Variants in NTN1 observed in about 807,000 individuals in gnomAD.
The protein encoded by NTN1 is netrin 1.
A neutral mutation model predicts 54.2 loss-of-function variants in NTN1; 11 were observed. The ratio of observed to expected loss-of-function variants is 0.20; its 90% confidence interval spans 0.13 to 0.34. The LOEUF (loss-of-function observed/expected upper bound fraction) is 0.34. Ranked by LOEUF, NTN1 falls within the 10% of genes least tolerant of loss-of-function variation. The pLI is 1.00. For synonymous variants in NTN1, 371 were observed against 382.0 expected (o/e 0.97, Z 0.33); for missense variants, 740 against 893.1 (o/e 0.83, Z 2.18).
In NTN1 at chr17:9,115,144, A is replaced by C. The variant is rs535702346; in HGVS notation, c.1019-47669A>C. On this transcript the variant is annotated intron_variant, in intron 2 of 6. Coordinates refer to ENST00000173229, the MANE Select transcript of NTN1 (RefSeq NM_004822.3). ...GACAGCTCCCCTCTCCTTCTGCCTC[A>C]GCTCCTTGAGAGAAAGGACTGTGTA... Among the ~76,000 whole-genome samples the C allele has an allele frequency of 2.6e-5, 4 of 152,322 alleles. No individual in the cohort carries two copies. In the East Asian group the frequency reaches 7.7e-4, roughly 29 times the overall value.
chr17:9,136,596 A>T (rs566518836), intron 2 of NTN1, among the ~76,000 whole-genome samples: 1 of 152,306 alleles, frequency 6.6e-6, no homozygotes, highest in South Asian at 2.1e-4. Context: ...CAAACAAAAA[A>T]AGAAAAAAAA....
intron 2 of NTN1, among the ~76,000 whole-genome samples, chr17:9,058,259 T>A (rs74421401): frequency 0.034 from 5,119 of 152,220 alleles, 291 homozygotes; most frequent in African/African-American, 0.12. Flanking sequence ...ATGAATTCTG[T>A]TGTGGTGAAT....
the NTN1 span, among the ~76,000 whole-genome samples, chr17:9,011,833 C>G: frequency 4.2e-3 from 638 of 152,214 alleles, 10 homozygotes; most frequent in East Asian, 0.022. Context: ...CGTGATCCAC[C>G]CACCTCGGCC....
In NTN1 at chr17:9,137,857, G is replaced by A. The variant is rs774662199; in HGVS notation, c.1019-24956G>A. The stretch of plus-strand genomic sequence containing the variant: ...TACTTCCGGCATTTCCGGCCTTCCC[G>A]GCTGGACTTGGTGTTTTCCCTGTGC... On this transcript the variant is annotated intron_variant, in intron 2 of 6. Transcript: ENST00000173229. 4.6e-5 allele frequency among the ~76,000 whole-genome samples: 7 copies of A among 152,104 alleles called. No homozygotes were observed. The East Asian group carries it at 5.8e-4, about 13-fold the overall frequency.
chr17:9,120,056 G>A (rs967084828), intron 2 of NTN1, among the ~76,000 whole-genome samples: 4 of 152,062 alleles, frequency 2.6e-5, no homozygotes, highest in Non-Finnish European at 4.4e-5. Flanking sequence ...CGAGGCGGGT[G>A]GATCACGAGG....
intron 6 of NTN1, among the ~76,000 whole-genome samples, chr17:9,230,448 A>ACCC (rs35782280): frequency 9.4e-4 from 53 of 56,376 alleles, no homozygotes; most frequent in African/African-American, 4.1e-3. Flanking sequence ...ACCAGATGTG[A>ACCC]CCCCCCCCCC....
intron 2 of NTN1, among the ~76,000 whole-genome samples, chr17:9,125,228 A>AT (rs143350408): frequency 0.049 from 6,994 of 142,526 alleles, 474 homozygotes; most frequent in African/African-American, 0.15. Flanking sequence ...TGTTTGGCTA[A>AT]TTTTTTTTTT....
At chr17:9,040,449 C>T (rs912401845) in intron 2 of NTN1, among the ~76,000 whole-genome samples, 4 of 152,084 alleles carry the variant, frequency 2.6e-5, no homozygotes, top group African/African-American at 9.7e-5. Context: ...ACTATATATA[C>T]ATTTTTATGT....
chr17:9,182,974 A>G lies in NTN1; in HGVS notation c.1411+5A>G. The G allele has an allele frequency of 6.2e-7, 1 of 1,601,942 alleles. No individual in the cohort carries two copies. Among genetic ancestry groups the G allele is most frequent in the Non-Finnish European group, 8.5e-7 (1 of 1,173,868 alleles). On this transcript the variant is annotated splice_donor_5th_base_variant and intron_variant, in intron 5 of 6. Transcript: ENST00000173229. ...GCAGCGTGGAGGAGCCTGAAGGTAA[A>G]CGGCCCCCTTCGCTTCTCATTTCCC... is the stretch of plus-strand genomic sequence containing the variant.
intron 5 of NTN1, among the ~76,000 whole-genome samples, chr17:9,217,973 C>A (rs1316119872): frequency 6.6e-6 from 1 of 152,052 alleles, no homozygotes; most frequent in Non-Finnish European, 1.5e-5. Flanking sequence ...TTTGACTCAG[C>A]AGCCACCTTC....
intron 2 of NTN1, among the ~76,000 whole-genome samples, chr17:9,105,866 A>T (rs2092164502): frequency 6.6e-6 from 1 of 151,958 alleles, no homozygotes; most frequent in Non-Finnish European, 1.5e-5. Context: ...GGTTGAAGGG[A>T]AGGAAGAGGA....
the NTN1 span, among the ~76,000 whole-genome samples, chr17:9,014,391 A>G: frequency 6.6e-6 from 1 of 152,178 alleles, no homozygotes. Flanking sequence ...CTCAAAACCT[A>G]CTATACATTG....
Position 9,215,288 on chromosome 17 carries a change from C to T in NTN1, c.1412-5880C>T, listed in dbSNP as rs61340796. On this transcript the variant is annotated intron_variant, in intron 5 of 6. Coordinates refer to ENST00000173229, the MANE Select transcript of NTN1 (RefSeq NM_004822.3). ...ACACACACACACACACACACACACA[C>T]ATACACACATGGGGACAGAGAAGGA... 5.8e-3 allele frequency among the ~76,000 whole-genome samples: 873 copies of T among 150,750 alleles called. 8 individuals carry two copies. The highest frequency in any genetic ancestry group is 0.02 in the African/African-American group (837 of 41,052).
rs2092000102 is a variant in NTN1, at chr17:9,061,932, T to A, written c.1018+38541T>A. Among the ~76,000 whole-genome samples the A allele has an allele frequency of 2.0e-5, 3 of 152,102 alleles. No homozygotes were observed. In the South Asian group the frequency reaches 6.2e-4, roughly 32 times the overall value. ...GTTGGCCAGGCTGGTCTTGAACTCCTGACCTCGTGATGCGCCTGCCTCGGT... is the reference window on the plus strand; with the variant it reads ...GTTGGCCAGGCTGGTCTTGAACTCCAGACCTCGTGATGCGCCTGCCTCGGT... On this transcript the variant is annotated intron_variant, in intron 2 of 6. Transcript: ENST00000173229.
intron 5 of NTN1, among the ~76,000 whole-genome samples, chr17:9,213,569 C>T (rs1264932497): frequency 2.0e-5 from 3 of 152,160 alleles, no homozygotes; most frequent in Admixed American, 1.3e-4. Flanking sequence ...TCAATTGGCC[C>T]ATATAGTCTG....
chr17:9,019,927 G>A (rs141472947), upstream of NTN1, among the ~76,000 whole-genome samples: 2 of 152,302 alleles, frequency 1.3e-5, no homozygotes, highest in East Asian at 3.9e-4. Flanking sequence ...TGCAGAGTGT[G>A]GTAAACGGCA....
intron 6 of NTN1, among the ~76,000 whole-genome samples, chr17:9,228,866 GTGTGTC>G (rs796510954): frequency 1.3e-3 from 21 of 16,346 alleles, no homozygotes; most frequent in Non-Finnish European, 1.7e-3. Flanking sequence ...GTGTATGAGA[GTGTGTC>G]TGTGTGTGAC....
chr17:9,086,030 G>A (rs143690558), intron 2 of NTN1, among the ~76,000 whole-genome samples: 3,505 of 152,236 alleles, frequency 0.023, 57 homozygotes, highest in Middle Eastern at 0.058. Flanking sequence ...AGTGAGATTC[G>A]TTTCTGCCCC....
intron 2 of NTN1, among the ~76,000 whole-genome samples, chr17:9,024,016 A>G (rs1454610859): frequency 6.6e-6 from 1 of 152,280 alleles, no homozygotes; most frequent in African/African-American, 2.4e-5. Flanking sequence ...TCTGCTGATT[A>G]CAACGGAGCG....
Sources: allele counts gnomAD v4.1 joint callset (sites outside exome capture counted in the v4.1 genomes callset), GRCh38; gene constraint gnomAD v4.1.1; transcripts MANE v1.5; gene names NCBI Gene and HGNC (gene_info 2026-07-23, HGNC 2026-07-21).